RPS21: variants seen among roughly 807,000 people sequenced by gnomAD.
The protein encoded by RPS21 is ribosomal protein S21, also known as small ribosomal subunit protein eS21.
In RPS21, 6 loss-of-function variants were observed where a neutral mutation model predicts 14.5. The ratio of observed to expected loss-of-function variants is 0.41; its 90% CI spans 0.23 to 0.82. The LOEUF (loss-of-function observed/expected upper bound fraction) is 0.82, where lower values mean the gene tolerates loss of function less well. RPS21 is among the 40% of genes least tolerant of loss of function. The probability of loss-of-function intolerance (pLI) is 0.31; values close to 1 mark genes in which losing one functional copy is unlikely to be tolerated. For synonymous variants in RPS21, 61 were observed against 42.6 expected, an observed-to-expected ratio of 1.43 and a Z score of -1.69; for missense variants, 85 against 115.0, an observed-to-expected ratio of 0.74 and a Z score of 1.19.
intron 4 of RPS21, 140 bp downstream of exon 4, chr20:62,388,054 T>G (rs1212979798): frequency 1.3e-6 from 2 of 1,569,762 alleles, no homozygotes; most frequent in Non-Finnish European, 1.7e-6. Flanking sequence ...CGCCTGCCGC[T>G]TCTTGAGGGT....
Position 62,387,116 on chromosome 20 carries a change from C to T in RPS21, c.-39C>T, listed in dbSNP as rs1255476283. The T allele has an allele frequency of 2.1e-6, 1 of 472,062 alleles. No homozygotes were observed. Among genetic ancestry groups the T allele is most frequent in the Non-Finnish European group, 3.7e-6 (1 of 269,746 alleles). The allele number at this position is 472,062 out of a possible 1,614,324, so 29.2% of individuals were successfully genotyped here. A position where few individuals can be genotyped will look rare whatever the true frequency, so the allele number is the denominator to read the frequency against. Reference sequence around the variant, plus strand: ...GACTAGCTGCTTCCTTTCTCTCTCGCGCGCGGTGTGGTGGCAGCAGGTGTG... The same window carrying T: ...GACTAGCTGCTTCCTTTCTCTCTCGTGCGCGGTGTGGTGGCAGCAGGTGTG... On this transcript the variant is annotated 5_prime_UTR_variant, in exon 1 of 6. Transcript: ENST00000343986.
intron 2 of RPS21, 48 bp from the exon 3 acceptor site, chr20:62,387,563 A>G (rs1022264743): frequency 4.7e-5 from 75 of 1,595,224 alleles, no homozygotes; most frequent in Non-Finnish European, 6.3e-5. Flanking sequence ...CCCCTCTTTC[A>G]TTCTTACCGC....
At chr20:62,388,117 AG>A in intron 4 of RPS21, 191 bp from the exon 5 acceptor site, 1 of 1,508,386 alleles carries the variant, frequency 6.6e-7, no homozygotes, top group Non-Finnish European at 8.9e-7. Flanking sequence ...GCCTCTCACT[AG>A]GAGGTGCCCC....
Position 62,387,108 on chromosome 20 carries a change from C to T in RPS21, c.-47C>T, listed in dbSNP as rs931045025. ...TGCCGGGTGACTAGCTGCTTCCTTTCTCTCTCGCGCGCGGTGTGGTGGCAG... is the reference window on the plus strand; with the variant it reads ...TGCCGGGTGACTAGCTGCTTCCTTTTTCTCTCGCGCGCGGTGTGGTGGCAG... On this transcript the variant is annotated 5_prime_UTR_variant, in exon 1 of 6. Transcript: ENST00000343986. 1.3e-4 allele frequency: 62 copies of T among 469,962 alleles called. 1 individual carries two copies. Among genetic ancestry groups the T allele is most frequent in the African/African-American group, 1.1e-3 (52 of 48,620 alleles). The allele number at this position is 469,962 out of a possible 1,614,324, so 29.1% of individuals were successfully genotyped here.
chr20:62,387,506 C>G (rs1296819437), intron 2 of RPS21, 105 bp from the exon 3 acceptor site: 1 of 1,584,752 alleles, frequency 6.3e-7, no homozygotes, highest in Non-Finnish European at 8.6e-7. Flanking sequence ...ACTTGTCCTG[C>G]CCCCGACGTT....
chr20:62,388,506 A>C lies in RPS21; in HGVS notation c.*40A>C. The C allele has an allele frequency of 1.2e-6, 2 of 1,607,442 alleles. No homozygotes were observed. Among genetic ancestry groups the C allele is most frequent in the South Asian group, 2.2e-5 (2 of 90,904 alleles). ...AGATGTGGAATATTTGTCATAAATAAATAATGAAAACCTACCTGTGCAGGT... is the reference window on the plus strand; with the variant it reads ...AGATGTGGAATATTTGTCATAAATACATAATGAAAACCTACCTGTGCAGGT... On this transcript the variant is annotated 3_prime_UTR_variant, in exon 6 of 6. Transcript: ENST00000343986.
At chr20:62,387,239 C>A in intron 1 of RPS21, 82 bp from the exon 2 acceptor site, 1 of 1,032,598 alleles carries the variant, frequency 9.7e-7, no homozygotes, top group Non-Finnish European at 1.4e-6. Context: ...GCGGCTGGGG[C>A]CGTGACCCTA....
intron 2 of RPS21, 75 bp from the exon 3 acceptor site, chr20:62,387,536 C>T (rs1987778016): frequency 4.4e-6 from 7 of 1,586,426 alleles, no homozygotes; most frequent in East Asian, 2.2e-5. Context: ...CATTCATATA[C>T]CCCCAACCTC....
intron 4 of RPS21, 187 bp from the exon 5 acceptor site, chr20:62,388,122 G>A (rs1419341447): frequency 6.7e-7 from 1 of 1,498,992 alleles, no homozygotes; most frequent in African/African-American, 1.4e-5. Context: ...TCACTAGGAG[G>A]TGCCCCCCCG....
At chr20:62,387,525 C>G in intron 2 of RPS21, 86 bp from the exon 3 acceptor site, 6 of 1,587,026 alleles carry the variant, frequency 3.8e-6, no homozygotes, top group Non-Finnish European at 5.2e-6. Flanking sequence ...TTACTCTTTT[C>G]CATTCATATA....
intron 4 of RPS21, 158 bp from the exon 5 acceptor site, chr20:62,388,151 C>A: frequency 1.4e-6 from 2 of 1,470,678 alleles, no homozygotes; most frequent in Non-Finnish European, 9.1e-7. Context: ...CCACCATAGT[C>A]AGGCTGCAGG....
In RPS21 at chr20:62,387,369, C is replaced by G. The variant is rs1987767679; in HGVS notation, c.31C>G (p.Leu11Val). 6 of 1,608,210 alleles carry G rather than the reference C, an allele frequency of 3.7e-6. No homozygotes were observed. Among genetic ancestry groups the G allele is most frequent in the East Asian group, 2.2e-5 (1 of 44,490 alleles). ...GAACGACGCCGGCGAGTTCGTGGACCTGTACGTGCCGCGGAAATGGTAAGC... is the reference window on the plus strand; with the variant it reads ...GAACGACGCCGGCGAGTTCGTGGACGTGTACGTGCCGCGGAAATGGTAAGC... MQNDAGEFVD[L>V]YVPRKCSASN... Residue 11 changes from leucine to valine, a missense_variant, in exon 2 of 6, where the codon CTG becomes GTG. Transcript: ENST00000343986.
At chr20:62,388,166 C>T in intron 4 of RPS21, 143 bp from the exon 5 acceptor site, 1 of 1,470,666 alleles carries the variant, frequency 6.8e-7, no homozygotes, top group Non-Finnish European at 9.1e-7. Context: ...TGCAGGCTGC[C>T]CCGGGAGAGG....
intron 4 of RPS21, 90 bp downstream of exon 4, chr20:62,388,004 C>A (rs771709317): frequency 1.2e-6 from 2 of 1,611,730 alleles, no homozygotes; most frequent in East Asian, 2.2e-5. Context: ...CTGAGTAGAT[C>A]TGCTGGCAGA....
Position 62,387,890 on chromosome 20 carries a change from T to C in RPS21, c.162T>C (p.Ala54=). 6.2e-7 allele frequency: 1 copy of C among 1,614,212 alleles called. No individual in the cohort carries two copies. Among genetic ancestry groups the C allele is most frequent in the Non-Finnish European group, 8.5e-7 (1 of 1,180,046 alleles). Residue 54 remains alanine (A), a synonymous_variant, in exon 4 of 6, where the codon GCT becomes GCC. Transcript: ENST00000343986. Reference sequence around the variant, plus strand: ...TTAATGGCCAGTTTAAAACTTATGCTATCTGCGGGGCCATTCGTAGGATGG... The same window carrying C: ...TTAATGGCCAGTTTAAAACTTATGCCATCTGCGGGGCCATTCGTAGGATGG... ...GRFNGQFKTY[A]ICGAIRRMGE...
rs1987831970 is a variant in RPS21, at chr20:62,388,446, C to T, written c.243-11C>T. 1 of 1,613,920 alleles carries T rather than the reference C, an allele frequency of 6.2e-7. No homozygotes were observed. On this transcript the variant is annotated splice_polypyrimidine_tract_variant and intron_variant, in intron 5 of 5. Coordinates refer to ENST00000343986, the MANE Select transcript of RPS21 (RefSeq NM_001024.4). The stretch of plus-strand genomic sequence containing the variant: ...CGTGGTCTTAACGTTGTCCTTTTCC[C>T]CTGGTTCTAGGAACTTTTGACTGGA...
rs1332665690 is a variant in RPS21 at position 62,387,937 on chromosome 20, C to T, written c.186+23C>T. On this transcript the variant is annotated intron_variant, in intron 4 of 5. Coordinates refer to ENST00000343986, the MANE Select transcript of RPS21 (RefSeq NM_001024.4). ...ATGGTGAGTGTTTCCCTGGGCTTTG[C>T]TCATCACTTCGGGACATCGTGGACT... is the stretch of plus-strand genomic sequence containing the variant. 1.9e-6 allele frequency: 3 copies of T among 1,614,110 alleles called. No homozygotes were observed. The African/African-American group carries it at 4.0e-5, about 22-fold the overall frequency.
chr20:62,387,176 C>A lies in RPS21; in HGVS notation c.-19+40C>A, dbSNP rs184684429. 6.6e-3 allele frequency: 3,802 copies of A among 573,070 alleles called. 23 individuals carry two copies. Among genetic ancestry groups the A allele is most frequent in the Non-Finnish European group, 8.6e-3 (2,900 of 336,650 alleles). 35.5% of individuals were successfully genotyped at this position (573,070 alleles called of 1,614,324 possible). ...GCGGGCTTCGGGCTCAGGGCTGGGG[C>A]TGGGGCGGGAGTGGGGGCTTGGACG... On this transcript the variant is annotated intron_variant, in intron 1 of 5. Coordinates refer to ENST00000343986, the MANE Select transcript of RPS21 (RefSeq NM_001024.4).
At position 62,388,100 on chromosome 20, in the gene RPS21, A is replaced by C. The variant is rs1987808456; in HGVS notation, c.186+186A>C. On this transcript the variant is annotated intron_variant, in intron 4 of 5. Coordinates refer to ENST00000343986, the MANE Select transcript of RPS21 (RefSeq NM_001024.4). ...TGCTCTGAGAAGACACTCAGGCAGC[A>C]GACTCTGCCTCTCACTAGGAGGTGC... 3.3e-6 allele frequency: 5 copies of C among 1,526,684 alleles called. No homozygotes were observed. In the South Asian group the frequency reaches 4.9e-5, roughly 15 times the overall value. The allele number at this position is 1,526,684 out of a possible 1,614,324, so 94.6% of individuals were successfully genotyped here.
Sources: gnomAD v4.1 joint callset for allele counts on GRCh38, gnomAD v4.1.1 for gene constraint, MANE v1.5 for transcripts, NCBI Gene and HGNC (gene_info 2026-07-23, HGNC 2026-07-21) for gene names.